KLF12: variants seen among roughly 807,000 people sequenced by gnomAD.
KLF12 encodes the protein Krueppel-like factor 12.
In KLF12, 9 loss-of-function variants were observed where a neutral mutation model predicts 37.8. The observed-to-expected ratio is 0.24, with a 90% CI of 0.14 to 0.42. The LOEUF (loss-of-function observed/expected upper bound fraction) is 0.42. Among genes scored for constraint, KLF12 ranks in the 10% least tolerant of loss-of-function variants. The pLI, the probability that KLF12 is intolerant of heterozygous loss-of-function variation, is 1.00. For missense variants in KLF12, 411 were observed against 516.0 expected, an observed-to-expected ratio of 0.80 and a Z score of 1.97; for synonymous variants, 208 against 202.1, an observed-to-expected ratio of 1.03 and a Z score of -0.25.
At chr13:73,764,390 T>C (rs369694757) in intron 6 of KLF12, among the ~76,000 whole-genome samples, 78 of 152,122 alleles carry the variant, frequency 5.1e-4, no homozygotes, top group African/African-American at 1.8e-3. Flanking sequence ...CTGGTTGAAA[T>C]AACTTTTCAG....
chr13:74,102,957 A>T (rs1163885777), intron 1 of KLF12, among the ~76,000 whole-genome samples: 2 of 152,258 alleles, frequency 1.3e-5, no homozygotes, highest in African/African-American at 4.8e-5. Flanking sequence ...TGTCATATCA[A>T]CATGGACTTC....
rs148338236 is a variant in KLF12 at position 74,115,031 on chromosome 13, C to T, written c.-32+18708G>A. 2.5e-3 allele frequency among the ~76,000 whole-genome samples: 380 copies of T among 152,262 alleles called. 1 individual carries two copies. Among genetic ancestry groups the T allele is most frequent in the African/African-American group, 8.6e-3 (359 of 41,560 alleles). ...GGTAGAAACCATTCCCACTCTTTCC[C>T]AGTCTGTGGGAAAATTGCCTTCCAT... On this transcript the variant is annotated intron_variant, in intron 1 of 7. Coordinates refer to ENST00000377669, the MANE Select transcript of KLF12 (RefSeq NM_007249.5).
At chr13:74,052,957 A>ACCATATGC in intron 1 of KLF12, among the ~76,000 whole-genome samples, 1 of 152,150 alleles carries the variant, frequency 6.6e-6, no homozygotes, top group Non-Finnish European at 1.5e-5. Flanking sequence ...TTCCCTGGCT[A>ACCATATGC]CCATATGCTC....
Position 73,687,257 on chromosome 13 carries a change from T to C in KLF12, c.*8233A>G, listed in dbSNP as rs1331535282. On this transcript the variant is annotated 3_prime_UTR_variant, in exon 8 of 8. Transcript: ENST00000377669. ...TTCAAGCTGGTTTTATAAGTACTTA[T>C]CTCACATCCACAGAGAGTTGGTTTG... 1.3e-5 allele frequency: 2 copies of C among 152,666 alleles called. No homozygotes were observed. The highest frequency in any genetic ancestry group is 2.9e-5 in the Non-Finnish European group (2 of 68,056). The allele number at this position is 152,666 out of a possible 1,614,324, so 9.5% of individuals were successfully genotyped here. A position where few individuals can be genotyped will look rare whatever the true frequency, so the allele number is the denominator to read the frequency against.
the KLF12 span, among the ~76,000 whole-genome samples, chr13:74,182,396 A>G: frequency 1.3e-5 from 2 of 152,188 alleles, no homozygotes; most frequent in Admixed American, 6.5e-5. Context: ...TAGAGGACAA[A>G]CTGATTGCAG....
At chr13:73,964,162 G>C (rs998197003) in intron 2 of KLF12, among the ~76,000 whole-genome samples, 4 of 152,170 alleles carry the variant, frequency 2.6e-5, no homozygotes, top group African/African-American at 9.7e-5. Context: ...CAATGGAAAA[G>C]TAATATGTGT....
the KLF12 span, among the ~76,000 whole-genome samples, chr13:74,250,034 T>C: frequency 6.6e-6 from 1 of 152,180 alleles, no homozygotes; most frequent in South Asian, 2.1e-4. Flanking sequence ...CATTGAGACA[T>C]AATTATGACA....
intron 6 of KLF12, among the ~76,000 whole-genome samples, chr13:73,752,713 C>T (rs1878853898): frequency 6.9e-6 from 1 of 145,460 alleles, no homozygotes; most frequent in African/African-American, 2.5e-5. Context: ...CATTCCCCTG[C>T]TCCCTTCCAC....
rs1037514865 is a variant in KLF12 at position 73,696,369 on chromosome 13, G to C, written c.1028-698C>G. Among the ~76,000 whole-genome samples, 5 of 152,290 alleles carry C rather than the reference G, an allele frequency of 3.3e-5. No individual in the cohort carries two copies. In the East Asian group the frequency reaches 9.7e-4, roughly 29 times the overall value. On this transcript the variant is annotated intron_variant, in intron 7 of 7. Coordinates refer to ENST00000377669, the MANE Select transcript of KLF12 (RefSeq NM_007249.5). ...GAGCTAAAATTCACAGAGAAAAGCT[G>C]TCTGAAGAAGCATGTAATTTGACCG...
chr13:74,125,309 A>G (rs1877882002), intron 1 of KLF12, among the ~76,000 whole-genome samples: 1 of 152,070 alleles, frequency 6.6e-6, no homozygotes, highest in African/African-American at 2.4e-5. Flanking sequence ...GATAGAAACA[A>G]TTTTTCCCCA....
chr13:73,752,430 A>T (rs1878828675), intron 6 of KLF12, among the ~76,000 whole-genome samples: 1 of 79,612 alleles, frequency 1.3e-5, no homozygotes, highest in South Asian at 3.2e-4. Flanking sequence ...ACACACATGC[A>T]CCCTGTGGTA....
chr13:74,120,833 T>G (rs1049001632), intron 1 of KLF12, among the ~76,000 whole-genome samples: 4 of 152,060 alleles, frequency 2.6e-5, no homozygotes, highest in African/African-American at 9.7e-5. Flanking sequence ...TGTGAGAAGT[T>G]AATGATGTAT....
intron 1 of KLF12, among the ~76,000 whole-genome samples, chr13:74,029,791 ATGAGT>A (rs1452801919): frequency 2.6e-5 from 4 of 152,152 alleles, no homozygotes; most frequent in Admixed American, 2.0e-4. Context: ...TTGGTTCCCT[ATGAGT>A]TAAGTTTCAT....
At chr13:74,241,693 G>T in the KLF12 span, among the ~76,000 whole-genome samples, 1 of 152,168 alleles carries the variant, frequency 6.6e-6, no homozygotes, top group African/African-American at 2.4e-5. Context: ...GCAGTATTCG[G>T]GTGGGAGTGA....
chr13:73,812,561 T>G (rs1320358109), intron 5 of KLF12, among the ~76,000 whole-genome samples: 2 of 152,078 alleles, frequency 1.3e-5, no homozygotes, highest in Non-Finnish European at 2.9e-5. Context: ...AACATGGATT[T>G]TTTTTTTCAA....
chr13:73,869,313 C>T (rs1412092392), intron 3 of KLF12, among the ~76,000 whole-genome samples: 2 of 152,052 alleles, frequency 1.3e-5, no homozygotes, highest in East Asian at 1.9e-4. Context: ...AAATATCTTG[C>T]TAAAATCATG....
At chr13:73,697,651 T>G (rs538739094) in intron 7 of KLF12, among the ~76,000 whole-genome samples, 1 of 152,216 alleles carries the variant, frequency 6.6e-6, no homozygotes, top group Non-Finnish European at 1.5e-5. Context: ...TTTTCAAAAA[T>G]ACATCCATCT....
intron 1 of KLF12, among the ~76,000 whole-genome samples, chr13:74,033,224 T>C (rs1243610338): frequency 1.3e-5 from 2 of 152,302 alleles, no homozygotes; most frequent in Non-Finnish European, 2.9e-5. Flanking sequence ...GCAAAAAGTA[T>C]AAATAAGAAA....
chr13:73,931,816 T>C (rs75256287), intron 3 of KLF12, among the ~76,000 whole-genome samples: 8 of 24,752 alleles, frequency 3.2e-4, no homozygotes, highest in Non-Finnish European at 6.0e-4. Flanking sequence ...ATATTTTGCT[T>C]TTTTTTTTTT....
Sources: gnomAD v4.1 joint callset for allele counts (sites outside exome capture counted in the v4.1 genomes callset) on GRCh38, gnomAD v4.1.1 for gene constraint, MANE v1.5 for transcripts, NCBI Gene and HGNC (gene_info 2026-07-23, HGNC 2026-07-21) for gene names.